The following DCUN1D2 variants were observed in gnomAD, a reference collection of about 807,000 sequenced individuals.
The protein encoded by DCUN1D2 is defective in cullin neddylation 1 domain containing 2.
A neutral mutation model predicts 30.9 loss-of-function variants in DCUN1D2; 29 were observed. The ratio of observed to expected loss-of-function variants is 0.94; its 90% CI spans 0.70 to 1.28. The LOEUF (loss-of-function observed/expected upper bound fraction) is 1.28. Ranked by LOEUF, DCUN1D2 falls within the 50% of genes most tolerant of loss-of-function variation. The probability of loss-of-function intolerance (pLI) is 0.00; values close to 1 mark genes in which losing one functional copy is unlikely to be tolerated. For synonymous variants in DCUN1D2, 121 were observed against 115.3 expected, an observed-to-expected ratio of 1.05 and a Z score of -0.32; for missense variants, 325 against 316.9, an observed-to-expected ratio of 1.03 and a Z score of -0.19.
At chr13:113,467,516 G>C (rs943117015) in intron 4 of DCUN1D2, among the ~76,000 whole-genome samples, 3 of 150,984 alleles carry the variant, frequency 2.0e-5, no homozygotes, top group African/African-American at 7.3e-5. Flanking sequence ...AAAAAAAGGA[G>C]ATTTTTAGTC....
intron 1 of DCUN1D2, among the ~76,000 whole-genome samples, chr13:113,487,557 G>A (rs969517135): frequency 2.6e-5 from 4 of 152,132 alleles, no homozygotes; most frequent in East Asian, 3.9e-4. Flanking sequence ...CACGGTGCAC[G>A]ACTCCAGCCG....
intron 4 of DCUN1D2, among the ~76,000 whole-genome samples, chr13:113,468,467 C>T (rs1286176458): frequency 6.6e-6 from 1 of 152,182 alleles, no homozygotes; most frequent in African/African-American, 2.4e-5. Flanking sequence ...GTGATGTTTA[C>T]ACAACACTGT....
intron 4 of DCUN1D2, among the ~76,000 whole-genome samples, chr13:113,462,502 G>A (rs1056086979): frequency 6.6e-6 from 1 of 151,888 alleles, no homozygotes; most frequent in East Asian, 1.9e-4. Flanking sequence ...TTAAACAGAA[G>A]TTATTAAAGT....
chr13:113,474,146 C>A lies in DCUN1D2; in HGVS notation c.498G>T (p.Lys166Asn). ...DFYQFTFTFA[K>N]NPGQKGLDLE... is the part of the protein sequence containing the mutation. ...CACCTAAACCTTTCTGCCCTGGGTTCTTAGCGAAGGTGAAGGTAAACTGAT... is the reference window on the plus strand; with the variant it reads ...CACCTAAACCTTTCTGCCCTGGGTTATTAGCGAAGGTGAAGGTAAACTGAT... The change falls in exon 4 of 7, where the codon AAG (lysine) becomes AAT (asparagine). Residue 166 changes from lysine to asparagine, a missense_variant. Physicochemically the swap from Lys to Asn is moderately conservative, Grantham distance 94. Coordinates refer to ENST00000478244, the MANE Select transcript of DCUN1D2 (RefSeq NM_001014283.2). The A allele has an allele frequency of 1.9e-6, 3 of 1,614,088 alleles. No individual in the cohort carries two copies. The highest frequency in any genetic ancestry group is 2.5e-6 in the Non-Finnish European group (3 of 1,179,942).
rs2044823212 is a variant in DCUN1D2 at position 113,487,334 on chromosome 13, G to A, written c.4-3278C>T. 5.3e-5 allele frequency among the ~76,000 whole-genome samples: 8 copies of A among 152,320 alleles called. 2 individuals carry two copies. The South Asian group carries it at 1.7e-3, about 32-fold the overall frequency. On this transcript the variant is annotated intron_variant, in intron 1 of 6. Coordinates refer to ENST00000478244, the MANE Select transcript of DCUN1D2 (RefSeq NM_001014283.2). ...GTTGCTAGATTTAAAAATCTGCCAT[G>A]GTTATACAACAACATTTACTATATC...
chr13:113,467,636 A>G lies in DCUN1D2; in HGVS notation c.520+6488T>C, dbSNP rs568232610. ...CAGGATGTGCAGAGGTTGGATGCTC[A>G]GCTTCGTTGCTGACAGGAATGTAAA... On this transcript the variant is annotated intron_variant, in intron 4 of 6. Transcript: ENST00000478244. Among the ~76,000 whole-genome samples, 4 of 152,336 alleles carry G rather than the reference A, an allele frequency of 2.6e-5. No individual in the cohort carries two copies. The East Asian group carries it at 7.7e-4, about 29-fold the overall frequency.
intron 4 of DCUN1D2, among the ~76,000 whole-genome samples, chr13:113,473,240 GCCTCTGTGCCTGTT>G (rs2139710140): frequency 6.6e-6 from 1 of 151,948 alleles, no homozygotes; most frequent in South Asian, 2.1e-4. Context: ...CCGTGCCTCT[GCCTCTGTGCCTGTT>G]CCTCTGTGCA....
chr13:113,469,833 T>C (rs1156239265), intron 4 of DCUN1D2, among the ~76,000 whole-genome samples: 1 of 152,132 alleles, frequency 6.6e-6, no homozygotes, highest in Non-Finnish European at 1.5e-5. Context: ...AGCAAGACCC[T>C]GTCTCGAAAT....
rs537014712 is a variant in DCUN1D2, at chr13:113,470,009, A to T, written c.520+4115T>A. ...GAAACAAAGGAAAATCATTCTGGAAATGACTTTACTAGAAGGCACACGAGG... is the reference window on the plus strand; with the variant it reads ...GAAACAAAGGAAAATCATTCTGGAATTGACTTTACTAGAAGGCACACGAGG... On this transcript the variant is annotated intron_variant, in intron 4 of 6. Transcript: ENST00000478244. Among the ~76,000 whole-genome samples the T allele has an allele frequency of 1.4e-3, 207 of 152,354 alleles. 1 individual carries two copies. The highest frequency in any genetic ancestry group is 4.6e-3 in the South Asian group (22 of 4,824).
intron 3 of DCUN1D2, 95 bp downstream of exon 3, chr13:113,480,480 A>G: frequency 7.6e-7 from 1 of 1,323,308 alleles, no homozygotes; most frequent in Non-Finnish European, 1.1e-6. Flanking sequence ...AAAGAAAATA[A>G]GCAGATATGA....
chr13:113,458,217 G>A (rs2044257633), intron 6 of DCUN1D2, 109 bp from the exon 7 acceptor site: 6 of 917,522 alleles, frequency 6.5e-6, no homozygotes, highest in South Asian at 4.1e-5. Flanking sequence ...CAAATGACTT[G>A]AGGTCCACAC....
At chr13:113,466,757 T>C (rs2044409049) in intron 4 of DCUN1D2, among the ~76,000 whole-genome samples, 1 of 151,590 alleles carries the variant, frequency 6.6e-6, no homozygotes, top group Non-Finnish European at 1.5e-5. Context: ...GTGGACGGGA[T>C]GGCATATTGT....
At chr13:113,458,154 T>C in intron 6 of DCUN1D2, 46 bp from the exon 7 acceptor site, 1 of 1,512,410 alleles carries the variant, frequency 6.6e-7, no homozygotes, top group Non-Finnish European at 9.2e-7. Flanking sequence ...GCACCGTTTT[T>C]ATCTCCAAAG....
rs532692555 is a variant in DCUN1D2, at chr13:113,458,915, A to C, written c.700+397T>G. ...CGCAGAGTCCTAAACACGGGGGGAG[A>C]CAAGTATGTGGAGATATATTTATGC... is the stretch of plus-strand genomic sequence containing the variant. On this transcript the variant is annotated intron_variant, in intron 6 of 6. Transcript: ENST00000478244. Among the ~76,000 whole-genome samples the C allele has an allele frequency of 1.1e-4, 16 of 152,262 alleles. 1 individual carries two copies. In the South Asian group the frequency reaches 3.3e-3, roughly 32 times the overall value.
Position 113,456,439 on chromosome 13 carries a change from C to T in DCUN1D2, c.*1590G>A, listed in dbSNP as rs768311128. The T allele has an allele frequency of 5.0e-6, 2 of 398,734 alleles. No individual in the cohort carries two copies. Among genetic ancestry groups the T allele is most frequent in the Non-Finnish European group, 8.8e-6 (2 of 226,156 alleles). 24.7% of individuals were successfully genotyped at this position (398,734 alleles called of 1,614,324 possible). A position where few individuals can be genotyped will look rare whatever the true frequency, so the allele number is the denominator to read the frequency against. ...GTAAGTCCTGTTCTCAGAAGCCAACCCAGCTGCTTGTCTGGGCCATGCTCT... is the reference window on the plus strand; with the variant it reads ...GTAAGTCCTGTTCTCAGAAGCCAACTCAGCTGCTTGTCTGGGCCATGCTCT... On this transcript the variant is annotated 3_prime_UTR_variant, in exon 7 of 7. Transcript: ENST00000478244.
Position 113,457,703 on chromosome 13 carries a change from C to T in DCUN1D2, c.*326G>A, listed in dbSNP as rs369410129. The T allele has an allele frequency of 6.9e-5, 14 of 204,326 alleles. No homozygotes were observed. Among genetic ancestry groups the T allele is most frequent in the African/African-American group, 1.6e-4 (7 of 43,948 alleles). The allele number at this position is 204,326 out of a possible 1,614,324, so 12.7% of individuals were successfully genotyped here. ...GCTGGTTCGCCTGACGCGCGAGCTA[C>T]GCAGCATGCTCTGCGGTCCCACAGG... On this transcript the variant is annotated 3_prime_UTR_variant, in exon 7 of 7. Coordinates refer to ENST00000478244, the MANE Select transcript of DCUN1D2 (RefSeq NM_001014283.2).
intron 5 of DCUN1D2, among the ~76,000 whole-genome samples, chr13:113,460,268 C>T (rs1045893517): frequency 1.3e-5 from 2 of 152,232 alleles, no homozygotes; most frequent in Non-Finnish European, 2.9e-5. Context: ...GCGGAAGTGA[C>T]GTGCCCAAGG....
chr13:113,481,987 T>TA (rs1270337958), intron 2 of DCUN1D2, among the ~76,000 whole-genome samples: 9 of 152,112 alleles, frequency 5.9e-5, no homozygotes, highest in Middle Eastern at 3.4e-3. Context: ...AGAGGTTCTG[T>TA]AAAAAAAATC....
Position 113,458,042 on chromosome 13 carries a change from C to T in DCUN1D2, c.767G>A (p.Arg256His), listed in dbSNP as rs374174945. The T allele has an allele frequency of 1.7e-5, 28 of 1,613,916 alleles. No homozygotes were observed. The highest frequency in any genetic ancestry group is 1.1e-4 in the East Asian group (5 of 44,892). Residue 256 changes from arginine (R) to histidine (H), a missense_variant, in exon 7 of 7, where the codon CGC (arginine) becomes CAC (histidine). By Grantham distance (29) the Arg-to-His change is conservative. Coordinates refer to ENST00000478244, the MANE Select transcript of DCUN1D2 (RefSeq NM_001014283.2). ...YARPVVTGGK[R>H]SLF ...TTAACTTGCTGCCTAGAAAAGGCTG[C>T]GTTTTCCACCTGTGACTACTGGCCG...
Sources: gnomAD v4.1 joint callset for allele counts (sites outside exome capture counted in the v4.1 genomes callset) on GRCh38, gnomAD v4.1.1 for gene constraint, MANE v1.5 for transcripts, NCBI Gene and HGNC (gene_info 2026-07-23, HGNC 2026-07-21) for gene names.